EPOR: variants seen among roughly 807,000 people sequenced by gnomAD.
The protein encoded by EPOR is erythropoietin receptor.
In EPOR, 20 loss-of-function variants were observed where a neutral mutation model predicts 34.3. The observed-to-expected ratio is 0.58, with a 90% CI of 0.41 to 0.85. The LOEUF (loss-of-function observed/expected upper bound fraction) is 0.85. Among genes scored for constraint, EPOR ranks in the 40% least tolerant of loss-of-function variants. EPOR has a pLI of 0.00. For synonymous variants in EPOR, 312 were observed against 299.0 expected (o/e 1.04, Z -0.45); for missense variants, 601 against 672.7 (o/e 0.89, Z 1.18).
chr19:11,381,736 C>G lies in EPOR; in HGVS notation c.541G>C (p.Glu181Gln). ...CCGTTGCCGGCCGAGACGTCCACCT[C>G]GTAGCGGATGTGAGACGTCATGGGT... ...ETPMTSHIRY[E>Q]VDVSAGNGAG... Residue 181 changes from glutamate to glutamine, a missense_variant, in exon 4 of 8, where the codon GAG (glutamate) becomes CAG (glutamine). Glu to Gln is a conservative substitution (Grantham distance 29, BLOSUM62 2). Transcript: ENST00000222139. The surrounding 1 kb of genome is among the most constrained non-coding windows in gnomAD (Gnocchi z 5.3). 1.2e-6 allele frequency: 2 copies of G among 1,612,764 alleles called. No individual in the cohort carries two copies. Among genetic ancestry groups the G allele is most frequent in the South Asian group, 2.2e-5 (2 of 90,872 alleles).
intron 6 of EPOR, among the ~76,000 whole-genome samples, chr19:11,379,387 G>A (rs1056894383): frequency 1.4e-4 from 21 of 152,062 alleles, no homozygotes; most frequent in African/African-American, 4.8e-4. Flanking sequence ...TTTGAGACCA[G>A]CCTGGCCAAC....
chr19:11,380,845 G>A (rs2144696684), intron 6 of EPOR, 39 bp downstream of exon 6: 1 of 1,477,482 alleles, frequency 6.8e-7, no homozygotes, highest in Non-Finnish European at 9.3e-7. Context: ...ACCGTTGGCG[G>A]GGAGGAGTCT....
At chr19:11,379,833 C>T (rs533338530) in intron 6 of EPOR, among the ~76,000 whole-genome samples, 5 of 152,278 alleles carry the variant, frequency 3.3e-5, no homozygotes, top group South Asian at 4.1e-4. Flanking sequence ...TCCCGAGTAG[C>T]GGGGATTACA....
Position 11,378,566 on chromosome 19 carries a change from C to T in EPOR, c.945G>A (p.Leu315=). 1.9e-6 allele frequency: 3 copies of T among 1,614,178 alleles called. No individual in the cohort carries two copies. Among genetic ancestry groups the T allele is most frequent in the South Asian group, 2.2e-5 (2 of 91,090 alleles). The change falls in exon 8 of 8, where the codon CTG becomes CTA. Residue 315 remains leucine (L), a synonymous_variant. Coordinates refer to ENST00000222139, the MANE Select transcript of EPOR (RefSeq NM_000121.4). The surrounding 1 kb of genome is among the most constrained non-coding windows in gnomAD (Gnocchi z 5.3). ...QLWLYQNDGC[L]WWSPCTPFTE... ...TGAAGGGGGTGCAGGGGCTCCACCA[C>T]AGGCAGCCATCATTCTGGTACAGCC...
In EPOR at chr19:11,378,786, A is replaced by G; in HGVS notation, c.828-8T>C. On this transcript the variant is annotated splice_polypyrimidine_tract_variant and splice_region_variant and intron_variant, in intron 6 of 7. Coordinates refer to ENST00000222139, the MANE Select transcript of EPOR (RefSeq NM_000121.4). The surrounding 1 kb of genome is among the most constrained non-coding windows in gnomAD (Gnocchi z 5.3). The stretch of plus-strand genomic sequence containing the variant: ...ATCTTCTGCTTCAGAGCCCTGTTGA[A>G]GCCAATATAAATAGTTACATAGATA... The G allele has an allele frequency of 6.2e-7, 1 of 1,613,952 alleles. No homozygotes were observed. The highest frequency in any genetic ancestry group is 8.5e-7 in the Non-Finnish European group (1 of 1,179,950).
chr19:11,379,731 A>G (rs897955041), intron 6 of EPOR, among the ~76,000 whole-genome samples: 1 of 138,864 alleles, frequency 7.2e-6, no homozygotes, highest in Non-Finnish European at 1.5e-5. Flanking sequence ...ACGGAGTTTC[A>G]CTCTTATTGC....
At position 11,381,229 on chromosome 19, in the gene EPOR, G is replaced by A. The variant is rs555443205; in HGVS notation, c.586-20C>T. The A allele has an allele frequency of 3.4e-5, 53 of 1,548,704 alleles. No individual in the cohort carries two copies. The highest frequency in any genetic ancestry group is 4.6e-5 in the Non-Finnish European group (53 of 1,146,922). On this transcript the variant is annotated intron_variant, in intron 4 of 7. Coordinates refer to ENST00000222139, the MANE Select transcript of EPOR (RefSeq NM_000121.4). The surrounding 1 kb of genome is among the most constrained non-coding windows in gnomAD (Gnocchi z 5.3). ...CTCCACCTGGGGGCGGAATCAGGGC[G>A]AGGGACGCGTAGCAGACAAAAATAG...
Position 11,377,412 on chromosome 19 carries a change from G to A in EPOR, c.*572C>T, listed in dbSNP as rs1214178680. The A allele has an allele frequency of 2.2e-6, 1 of 453,860 alleles. No individual in the cohort carries two copies. Among genetic ancestry groups the A allele is most frequent in the Non-Finnish European group, 4.4e-6 (1 of 226,770 alleles). 28.1% of individuals were successfully genotyped at this position (453,860 alleles called of 1,614,324 possible). ...CAGATCCCTCAAATGGCCCATTGAG[G>A]GTCATTGCTGCCCTTTTTCTTCCCT... On this transcript the variant is annotated 3_prime_UTR_variant, in exon 8 of 8. Transcript: ENST00000222139.
chr19:11,380,839 T>C (rs1490625872), intron 6 of EPOR, 45 bp downstream of exon 6: 9 of 1,450,864 alleles, frequency 6.2e-6, no homozygotes, highest in Non-Finnish European at 7.6e-6. Context: ...AAGAGGACCG[T>C]TGGCGGGGAG....
Position 11,378,000 on chromosome 19 carries a change from T to A in EPOR, c.1511A>T (p.Tyr504Phe). 1.9e-6 allele frequency: 3 copies of A among 1,614,062 alleles called. No individual in the cohort carries two copies. Among genetic ancestry groups the A allele is most frequent in the Non-Finnish European group, 2.5e-6 (3 of 1,180,012 alleles). Reference protein sequence around the residue: ...IPAAEPLPPSYVACS With the variant: ...IPAAEPLPPSFVACS ...CCTGGTGTCCTAAGAGCAAGCCACA[T>A]AGCTGGGGGGCAGAGGCTCAGCGGC... is the stretch of plus-strand genomic sequence containing the variant. Residue 504 changes from tyrosine to phenylalanine, a missense_variant, in exon 8 of 8, where the codon TAT becomes TTT. Transcript: ENST00000222139.
Position 11,377,248 on chromosome 19 carries a change from A to T in EPOR, c.*736T>A. 1 of 454,106 alleles carries T rather than the reference A, an allele frequency of 2.2e-6. No individual in the cohort carries two copies. The highest frequency in any genetic ancestry group is 4.4e-6 in the Non-Finnish European group (1 of 226,778). The allele number at this position is 454,106 out of a possible 1,614,324, so 28.1% of individuals were successfully genotyped here. A position where few individuals can be genotyped will look rare whatever the true frequency, so the allele number is the denominator to read the frequency against. On this transcript the variant is annotated 3_prime_UTR_variant, in exon 8 of 8. Transcript: ENST00000222139. ...TTTATTATTATTAGTGGCAGAGACT[A>T]GCTAGTGGCCCTTAAACAGCTTTGC...
chr19:11,384,150 C>A lies in EPOR; in HGVS notation c.58G>T (p.Ala20Ser), dbSNP rs763588558. ...PQVGSLCLLLAGAAWAPPPNL... is the reference protein window; with the variant it reads ...PQVGSLCLLLSGAAWAPPPNL... ...GGCGGGGGCGCCCAGGCGGCCCCAG[C>A]GAGCAGGAGACAAAGGGAGCCGACC... Residue 20 changes from alanine (A) to serine (S), a missense_variant, in exon 1 of 8, where the codon GCT becomes TCT. Ala to Ser is a moderately conservative substitution (Grantham distance 99). Transcript: ENST00000222139. The A allele has an allele frequency of 5.2e-6, 8 of 1,550,132 alleles. No individual in the cohort carries two copies. The highest frequency in any genetic ancestry group is 4.8e-5 in the South Asian group (4 of 84,024).
Position 11,381,857 on chromosome 19 carries a change from C to A in EPOR, c.428-8G>T, listed in dbSNP as rs1968366059. 1 of 1,614,162 alleles carries A rather than the reference C, an allele frequency of 6.2e-7. No individual in the cohort carries two copies. The highest frequency in any genetic ancestry group is 1.1e-5 in the South Asian group (1 of 91,084). ...CGGGGGCGTCTAGGAGCACTGCAGG[C>A]ATGGGGGTTGGTCAGGTGGGCGAGG... is the stretch of plus-strand genomic sequence containing the variant. On this transcript the variant is annotated splice_region_variant and splice_polypyrimidine_tract_variant and intron_variant, in intron 3 of 7. Transcript: ENST00000222139. The surrounding 1 kb of genome is among the most constrained non-coding windows in gnomAD (Gnocchi z 5.3).
rs776430873 is a variant in EPOR, at chr19:11,381,806, G to A, written c.471C>T (p.Asp157=). The change falls in exon 4 of 8, where the codon GAC becomes GAT. Residue 157 remains aspartate, a synonymous_variant. Transcript: ENST00000222139. This position sits in a 1 kb window ranked among gnomAD's most constrained non-coding sequence, Gnocchi z 5.3. ...APVGLVARLA[D]ESGHVVLRWL... ...AGCGCAACACTACGTGGCCGCTCTC[G>A]TCAGCCAACCGCGCCACCAGCCCCA... 1.2e-6 allele frequency: 2 copies of A among 1,613,856 alleles called. No individual in the cohort carries two copies.
Position 11,383,082 on chromosome 19 carries a change from C to T in EPOR, c.251+15G>A, listed in dbSNP as rs2144699945. 6.2e-7 allele frequency: 1 copy of T among 1,613,450 alleles called. No individual in the cohort carries two copies. The highest frequency in any genetic ancestry group is 8.5e-7 in the Non-Finnish European group (1 of 1,179,856). The stretch of plus-strand genomic sequence containing the variant: ...CTCCCTCCGCCCTTGGAGGCACCCG[C>T]CGGATCGGACTCACTCGAGCTGGTA... On this transcript the variant is annotated intron_variant, in intron 2 of 7. Transcript: ENST00000222139. This position sits in a 1 kb window ranked among gnomAD's most constrained non-coding sequence, Gnocchi z 4.9.
rs776257341 is a variant in EPOR, at chr19:11,378,811, A to C, written c.828-33T>G. 9 of 1,602,474 alleles carry C rather than the reference A, an allele frequency of 5.6e-6. No homozygotes were observed. The East Asian group carries it at 2.0e-4, about 36-fold the overall frequency. ...AGCCAATATAAATAGTTACATAGATATGACTCATTGAATACTCACCAATTC... is the reference window on the plus strand; with the variant it reads ...AGCCAATATAAATAGTTACATAGATCTGACTCATTGAATACTCACCAATTC... On this transcript the variant is annotated intron_variant, in intron 6 of 7. Transcript: ENST00000222139. The surrounding 1 kb of genome is among the most constrained non-coding windows in gnomAD (Gnocchi z 5.3).
intron 2 of EPOR, chr19:11,382,816 G>A: frequency 1.4e-6 from 2 of 1,418,946 alleles, no homozygotes; most frequent in South Asian, 2.6e-5. Context: ...CCTCGAGAAG[G>A]CGTCCCAGCC....
In EPOR at chr19:11,381,634, C is replaced by T. The variant is rs1968360209; in HGVS notation, c.585+58G>A. 3 of 1,538,826 alleles carry T rather than the reference C, an allele frequency of 1.9e-6. No homozygotes were observed. The highest frequency in any genetic ancestry group is 2.4e-5 in the South Asian group (2 of 84,578). ...CGGCACCGGGCGCGACCTCGAGAGG[C>T]GTGGCTGGGCCGTAGTCAGTGGAGC... On this transcript the variant is annotated intron_variant, in intron 4 of 7. Coordinates refer to ENST00000222139, the MANE Select transcript of EPOR (RefSeq NM_000121.4). This position sits in a 1 kb window ranked among gnomAD's most constrained non-coding sequence, Gnocchi z 5.3.
intron 6 of EPOR, 125 bp downstream of exon 6, chr19:11,380,759 T>C (rs1968343760): frequency 1.3e-6 from 1 of 777,736 alleles, no homozygotes; most frequent in Admixed American, 2.1e-5. Context: ...GCCCTGCCAC[T>C]GATGTGAATC....
Sources: gnomAD v4.1 joint callset for allele counts (sites outside exome capture counted in the v4.1 genomes callset) on GRCh38, gnomAD v4.1.1 for gene constraint, Gnocchi (gnomAD v3.1) non-coding constraint, MANE v1.5 for transcripts, NCBI Gene and HGNC (gene_info 2026-07-23, HGNC 2026-07-21) for gene names.